Variants in SLC35D2 observed in about 807,000 individuals in gnomAD.
The protein encoded by SLC35D2 is nucleotide sugar transporter SLC35D2.
A neutral mutation model predicts 41.8 loss-of-function variants in SLC35D2; 43 were observed. The observed-to-expected ratio is 1.03, with a 90% CI of 0.81 to 1.33. The LOEUF is 1.33. Ranked by LOEUF, SLC35D2 falls within the 40% of genes most tolerant of loss-of-function variation. The pLI, the probability that SLC35D2 is intolerant of heterozygous loss-of-function variation, is 0.00. For missense variants in SLC35D2, 380 were observed against 408.4 expected (o/e 0.93, Z 0.60); for synonymous variants, 150 against 163.9 (o/e 0.92, Z 0.65).
intron 1 of SLC35D2, among the ~76,000 whole-genome samples, chr9:96,374,564 G>C (rs1830852720): frequency 1.3e-5 from 2 of 148,466 alleles, no homozygotes; most frequent in Admixed American, 1.3e-4. Flanking sequence ...GCCAGGCGCA[G>C]TGGCTCACCC....
intron 1 of SLC35D2, among the ~76,000 whole-genome samples, chr9:96,375,643 G>A (rs906706753): frequency 1.1e-4 from 17 of 151,950 alleles, no homozygotes; most frequent in Non-Finnish European, 2.2e-4. Flanking sequence ...GCTCATTTCT[G>A]TATCCCCAAT....
rs557123663 is a variant in SLC35D2, at chr9:96,329,397, AC to A, written c.753-5229del. ...AAGAACATGCCACCACATTTGCCTA[AC>A]TTTTTTCTGTAGAAATGAGTTCTCA... is the stretch of plus-strand genomic sequence containing the variant. On this transcript the variant is annotated intron_variant, in intron 9 of 11. Coordinates refer to ENST00000253270, the MANE Select transcript of SLC35D2 (RefSeq NM_007001.3). Among the ~76,000 whole-genome samples the A allele has an allele frequency of 1.5e-3, 228 of 152,056 alleles. 1 individual carries two copies. Among genetic ancestry groups the A allele is most frequent in the African/African-American group, 5.3e-3 (218 of 41,486 alleles).
intron 3 of SLC35D2, among the ~76,000 whole-genome samples, chr9:96,363,820 T>C (rs1446902318): frequency 6.6e-6 from 1 of 152,182 alleles, no homozygotes; most frequent in African/African-American, 2.4e-5. Flanking sequence ...AAGGGCTACT[T>C]TCATGGTACA....
chr9:96,343,618 C>T (rs1381332624), intron 8 of SLC35D2, among the ~76,000 whole-genome samples: 1 of 152,158 alleles, frequency 6.6e-6, no homozygotes, highest in East Asian at 1.9e-4. Flanking sequence ...AGGGTCCCCA[C>T]ATTAGCAAAG....
chr9:96,335,148 T>C (rs1027018836), intron 9 of SLC35D2, among the ~76,000 whole-genome samples: 1 of 152,302 alleles, frequency 6.6e-6, no homozygotes, highest in African/African-American at 2.4e-5. Flanking sequence ...TCCATCTTCC[T>C]TCACAGGAAA....
At chr9:96,315,320 C>T (rs80044157) in intron 11 of SLC35D2, among the ~76,000 whole-genome samples, 16,513 of 151,996 alleles carry the variant, frequency 0.11, 1,322 homozygotes, top group African/African-American at 0.21. Flanking sequence ...GGTGGTCTCA[C>T]TGTGTTGCCC....
chr9:96,330,341 G>C (rs1355429296), intron 9 of SLC35D2, among the ~76,000 whole-genome samples: 1 of 152,234 alleles, frequency 6.6e-6, no homozygotes, highest in Middle Eastern at 3.4e-3. Context: ...CTAAAATAAA[G>C]CTTCACTGGG....
chr9:96,371,118 A>C (rs1830656398), intron 1 of SLC35D2, among the ~76,000 whole-genome samples: 1 of 152,186 alleles, frequency 6.6e-6, no homozygotes, highest in Non-Finnish European at 1.5e-5. Context: ...TATATTCCAT[A>C]ACTTTATATT....
chr9:96,366,766 G>A lies in SLC35D2; in HGVS notation c.192+1506C>T, dbSNP rs111959549. ...GCTAGGATTATAGGCATGAGCCACCGTGCTCGGCCTGATCTTTTTTTTTTT... is the reference window on the plus strand; with the variant it reads ...GCTAGGATTATAGGCATGAGCCACCATGCTCGGCCTGATCTTTTTTTTTTT... On this transcript the variant is annotated intron_variant, in intron 2 of 11. Transcript: ENST00000253270. Among the ~76,000 whole-genome samples, 239 of 150,186 alleles carry A rather than the reference G, an allele frequency of 1.6e-3. 1 individual carries two copies. Among genetic ancestry groups the A allele is most frequent in the African/African-American group, 5.3e-3 (218 of 40,964 alleles).
chr9:96,359,943 G>A (rs1025248508), intron 4 of SLC35D2, among the ~76,000 whole-genome samples: 1 of 152,114 alleles, frequency 6.6e-6, no homozygotes, highest in African/African-American at 2.4e-5. Flanking sequence ...GTTCAGGCTT[G>A]AATATAATTT....
At chr9:96,351,672 G>T (rs908922188) in intron 5 of SLC35D2, among the ~76,000 whole-genome samples, 4 of 151,982 alleles carry the variant, frequency 2.6e-5, no homozygotes, top group Non-Finnish European at 5.9e-5. Context: ...CGTCAGAATT[G>T]ATATCCCTCA....
At chr9:96,340,256 CT>C (rs1829253650) in intron 8 of SLC35D2, among the ~76,000 whole-genome samples, 1 of 151,980 alleles carries the variant, frequency 6.6e-6, no homozygotes. Flanking sequence ...GGGTTGATGG[CT>C]TTTTTCTTGC....
At chr9:96,337,657 G>C (rs1176130035) in intron 8 of SLC35D2, among the ~76,000 whole-genome samples, 1 of 152,098 alleles carries the variant, frequency 6.6e-6, no homozygotes, top group Non-Finnish European at 1.5e-5. Context: ...AAGTAATTGG[G>C]GTGGAGGACA....
In SLC35D2 at chr9:96,347,027, T is replaced by C. The variant is rs113422667; in HGVS notation, c.489-1626A>G. ...GGCACATGCCTGTAATCCCAGCTAC[T>C]TGGGAGGCTGAGGCAGGAGAATCAC... On this transcript the variant is annotated intron_variant, in intron 6 of 11. Coordinates refer to ENST00000253270, the MANE Select transcript of SLC35D2 (RefSeq NM_007001.3). 2.4e-3 allele frequency among the ~76,000 whole-genome samples: 371 copies of C among 152,166 alleles called. 1 individual carries two copies. Among genetic ancestry groups the C allele is most frequent in the African/African-American group, 8.3e-3 (346 of 41,494 alleles).
chr9:96,355,262 A>C (rs1452939145), intron 4 of SLC35D2, among the ~76,000 whole-genome samples: 1 of 151,722 alleles, frequency 6.6e-6, no homozygotes, highest in Non-Finnish European at 1.5e-5. Flanking sequence ...CAAGTGATCC[A>C]CCTGCTTTGA....
At chr9:96,364,917 T>C (rs1809454408) in intron 2 of SLC35D2, among the ~76,000 whole-genome samples, 1 of 150,530 alleles carries the variant, frequency 6.6e-6, no homozygotes, top group South Asian at 2.1e-4. Context: ...CTGGGCATGG[T>C]GGCAGACGCA....
chr9:96,352,528 G>A (rs1263183619), intron 4 of SLC35D2, among the ~76,000 whole-genome samples: 2 of 151,864 alleles, frequency 1.3e-5, no homozygotes, highest in African/African-American at 4.8e-5. Context: ...TGCCATGTTG[G>A]CCAGGCTGGT....
Position 96,324,549 on chromosome 9 carries a change from C to CTTTTTTTTTTTTTTTTTTT in SLC35D2, c.753-381_753-380insAAAAAAAAAAAAAAAAAAA, listed in dbSNP as rs57775451. ...CTGTGCCTCAGAATCGCCTGCTGCA[C>CTTTTTTTTTTTTTTTTTTT]TTTTTTTTTTTTTTTTTGGTGGGGA... On this transcript the variant is annotated intron_variant, in intron 9 of 11. Transcript: ENST00000253270. 1.6e-3 allele frequency among the ~76,000 whole-genome samples: 194 copies of CTTTTTTTTTTTTTTTTTTT among 117,710 alleles called. 7 individuals are homozygous for CTTTTTTTTTTTTTTTTTTT. Among genetic ancestry groups the CTTTTTTTTTTTTTTTTTTT allele is most frequent in the Middle Eastern group, 5.0e-3 (1 of 200 alleles). 77.2% of individuals were successfully genotyped at this position (117,710 alleles called of 152,430 possible). A position where few individuals can be genotyped will look rare whatever the true frequency, so the allele number is the denominator to read the frequency against.
At chr9:96,369,936 G>A (rs1363908788) in intron 1 of SLC35D2, among the ~76,000 whole-genome samples, 1 of 152,182 alleles carries the variant, frequency 6.6e-6, no homozygotes, top group Non-Finnish European at 1.5e-5. Context: ...AGAGAAAACA[G>A]AATGAATGGC....
Sources: gnomAD v4.1 joint callset for allele counts (sites outside exome capture counted in the v4.1 genomes callset) on GRCh38, gnomAD v4.1.1 for gene constraint, MANE v1.5 for transcripts, NCBI Gene and HGNC (gene_info 2026-07-23, HGNC 2026-07-21) for gene names.